SRBD1: variants seen among roughly 807,000 people sequenced by gnomAD.
SRBD1 encodes S1 RNA binding domain 1.
Under a neutral mutation model 115.3 loss-of-function variants are expected in SRBD1, and 88 were observed. That is an observed-to-expected ratio of 0.76 (90% CI 0.64 to 0.91). The LOEUF is 0.91. Among genes scored for constraint, SRBD1 ranks in the 40% least tolerant of loss-of-function variants. The pLI, the probability that SRBD1 is intolerant of heterozygous loss-of-function variation, is 0.00. For missense variants in SRBD1, 1,385 were observed against 1,177.4 expected, an observed-to-expected ratio of 1.18 and a Z score of -2.58; for synonymous variants, 509 against 407.7, an observed-to-expected ratio of 1.25 and a Z score of -2.99.
At position 45,574,675 on chromosome 2, in the gene SRBD1, GC is replaced by G. The variant is rs1558488432; in HGVS notation, c.1120del (p.Ala374GlnfsTer3). The G allele has an allele frequency of 3.7e-6, 6 of 1,613,668 alleles. No homozygotes were observed. Among genetic ancestry groups the G allele is most frequent in the Non-Finnish European group, 4.2e-6 (5 of 1,179,890 alleles). The stretch of plus-strand genomic sequence containing the variant: ...GTCTTTGTCTTTAGCAATCATATCT[GC>G]TAAAATATGCTGCACTCCTATTTCA... Reference protein sequence around the residue: ...DIEIGVQHILADMIAKDKDTL... With the variant: ...DIEIGVQHILXDMIAKDKDTL... On this transcript the variant is annotated frameshift_variant, in exon 8 of 21. Coordinates refer to ENST00000263736, the MANE Select transcript of SRBD1 (RefSeq NM_018079.5). LOFTEE classifies it high-confidence loss of function.
intron 16 of SRBD1, among the ~76,000 whole-genome samples, chr2:45,428,369 T>C (rs987909720): frequency 6.6e-6 from 1 of 151,902 alleles, no homozygotes; most frequent in Non-Finnish European, 1.5e-5. Flanking sequence ...GCTAACACAG[T>C]GAAACCCTGT....
Position 45,389,350 on chromosome 2 carries a change from G to T in SRBD1, c.2948C>A (p.Pro983His), listed in dbSNP as rs1376230844. 1.2e-6 allele frequency: 2 copies of T among 1,613,868 alleles called. No homozygotes were observed. The highest frequency in any genetic ancestry group is 1.7e-6 in the Non-Finnish European group (2 of 1,179,928). ...GAGGTCCAGAGTAATCCTAGATCGG[G>T]GGATGTCAATGTTGAGTACTTGGAC... ...VEVQVLNIDI[P>H]RSRITLDLIR... Residue 983 changes from proline (P) to histidine (H), a missense_variant, in exon 21 of 21, where the codon CCC (proline) becomes CAC (histidine). Transcript: ENST00000263736.
intron 14 of SRBD1, among the ~76,000 whole-genome samples, chr2:45,496,477 T>C (rs1558434305): frequency 1.3e-5 from 2 of 151,522 alleles, no homozygotes; most frequent in Admixed American, 6.6e-5. Context: ...AAAAGTAAAA[T>C]AATAATAATA....
intron 14 of SRBD1, among the ~76,000 whole-genome samples, chr2:45,491,890 C>T (rs1349042764): frequency 1.3e-5 from 2 of 152,128 alleles, no homozygotes; most frequent in Non-Finnish European, 2.9e-5. Context: ...GGCGCAATCT[C>T]GGCTCACTAT....
chr2:45,474,284 A>G (rs1669739056), intron 16 of SRBD1, among the ~76,000 whole-genome samples: 1 of 152,144 alleles, frequency 6.6e-6, no homozygotes, highest in Non-Finnish European at 1.5e-5. Context: ...GTTTTCCTCA[A>G]ATGTTTAATC....
rs1200020039 is a variant in SRBD1 at position 45,554,092 on chromosome 2, AC to A, written c.1410-363del. 2.0e-5 allele frequency among the ~76,000 whole-genome samples: 3 copies of A among 152,150 alleles called. No individual in the cohort carries two copies. The East Asian group carries it at 5.8e-4, about 29-fold the overall frequency. On this transcript the variant is annotated intron_variant, in intron 10 of 20. Transcript: ENST00000263736. ...GAATTGTGTCCCTCCCCATATCCAT[AC>A]CTTGAAGATGGGGCTTTTGGGGGAT...
chr2:45,591,027 A>AAC (rs61201513), intron 4 of SRBD1, among the ~76,000 whole-genome samples: 1 of 151,252 alleles, frequency 6.6e-6, no homozygotes, highest in African/African-American at 2.4e-5. Context: ...AAAAAAAAAA[A>AAC]CCCTCTTTCC....
In SRBD1 at chr2:45,487,175, G is replaced by C. The variant is rs191163313; in HGVS notation, c.1966+1065C>G. 9.6e-4 allele frequency among the ~76,000 whole-genome samples: 146 copies of C among 152,200 alleles called. 1 individual carries two copies. Among genetic ancestry groups the C allele is most frequent in the Admixed American group, 4.2e-3 (65 of 15,296 alleles). On this transcript the variant is annotated intron_variant, in intron 15 of 20. Transcript: ENST00000263736. ...AAAAATTTCATATATATCTCTCCAG[G>C]TATAGATTTCAAGAACAGCCGATGA...
rs776884018 is a variant in SRBD1, at chr2:45,427,760, T to C, written c.2050-7866A>G. 3.3e-5 allele frequency among the ~76,000 whole-genome samples: 5 copies of C among 152,164 alleles called. No homozygotes were observed. The East Asian group carries it at 7.7e-4, about 23-fold the overall frequency. ...TTCCAGCAGTACATCAAAAAGATTA[T>C]CCACTGAGATCAAGTTGGCTTCATC... On this transcript the variant is annotated intron_variant, in intron 16 of 20. Transcript: ENST00000263736.
At chr2:45,418,330 T>C (rs562326786) in intron 18 of SRBD1, 35 bp downstream of exon 18, 5 of 1,597,156 alleles carry the variant, frequency 3.1e-6, no homozygotes, top group Admixed American at 1.7e-5. Context: ...AGAGAGGAGG[T>C]TGACAATAGA....
intron 1 of SRBD1, among the ~76,000 whole-genome samples, chr2:45,607,777 A>C (rs1674318377): frequency 1.3e-5 from 2 of 152,176 alleles, no homozygotes; most frequent in African/African-American, 4.8e-5. Flanking sequence ...AAAAGACTGT[A>C]AGTTTATTCT....
chr2:45,477,028 T>C lies in SRBD1; in HGVS notation c.2014A>G (p.Ile672Val). 6.2e-7 allele frequency: 1 copy of C among 1,613,776 alleles called. No individual in the cohort carries two copies. The change falls in exon 16 of 21, where the codon ATT becomes GTT. Residue 672 changes from isoleucine to valine, a missense_variant. Physicochemically the swap from Ile to Val is conservative, Grantham distance 29 (BLOSUM62 3). Coordinates refer to ENST00000263736, the MANE Select transcript of SRBD1 (RefSeq NM_018079.5). ...CCAACTCCAATGTGCTTTGGCTCAATTTTCACTAGCTCAGCTAATGGATCT... is the reference window on the plus strand; with the variant it reads ...CCAACTCCAATGTGCTTTGGCTCAACTTTCACTAGCTCAGCTAATGGATCT... ...VQDPLAELVK[I>V]EPKHIGVGMY...
At chr2:45,576,350 C>T (rs1416219992) in intron 7 of SRBD1, among the ~76,000 whole-genome samples, 2 of 151,296 alleles carry the variant, frequency 1.3e-5, no homozygotes, top group Non-Finnish European at 2.9e-5. Context: ...AGTAAGGCTT[C>T]AGGTCAACAG....
chr2:45,545,798 T>C (rs1259994069), intron 14 of SRBD1, among the ~76,000 whole-genome samples: 1 of 152,214 alleles, frequency 6.6e-6, no homozygotes, highest in East Asian at 1.9e-4. Context: ...CCTGAGTTTG[T>C]TTTTCTGACT....
At chr2:45,456,161 T>C (rs1669146318) in intron 16 of SRBD1, among the ~76,000 whole-genome samples, 1 of 151,926 alleles carries the variant, frequency 6.6e-6, no homozygotes, top group Non-Finnish European at 1.5e-5. Flanking sequence ...GAAAGACTTC[T>C]GCTTATTTCA....
At chr2:45,518,570 G>C (rs959223834) in intron 14 of SRBD1, among the ~76,000 whole-genome samples, 7 of 152,258 alleles carry the variant, frequency 4.6e-5, no homozygotes, top group Non-Finnish European at 8.8e-5. Flanking sequence ...TTGTTACATG[G>C]AAACCATGAC....
At chr2:45,408,086 C>T (rs1443613393) in intron 19 of SRBD1, among the ~76,000 whole-genome samples, 1 of 152,070 alleles carries the variant, frequency 6.6e-6, no homozygotes, top group Non-Finnish European at 1.5e-5. Flanking sequence ...CCATTTATTT[C>T]CAATAGTTTT....
At chr2:45,401,640 G>A (rs569586091) in intron 19 of SRBD1, among the ~76,000 whole-genome samples, 9 of 152,300 alleles carry the variant, frequency 5.9e-5, no homozygotes, top group African/African-American at 1.2e-4. Flanking sequence ...ACAAAGGAAC[G>A]TGTTTTTATC....
chr2:45,600,773 G>A (rs549667103), intron 3 of SRBD1, among the ~76,000 whole-genome samples: 1 of 152,152 alleles, frequency 6.6e-6, no homozygotes, highest in Admixed American at 6.5e-5. Flanking sequence ...TCTGTTCTCC[G>A]TTACCTAAAT....
Sources: gnomAD v4.1 joint callset for allele counts (sites outside exome capture counted in the v4.1 genomes callset) on GRCh38, gnomAD v4.1.1 for gene constraint, MANE v1.5 for transcripts, NCBI Gene and HGNC (gene_info 2026-07-23, HGNC 2026-07-21) for gene names.